Variants in ROBO2 observed in about 807,000 individuals in gnomAD.
The protein encoded by ROBO2 is roundabout homolog 2.
A neutral mutation model predicts 160.8 loss-of-function variants in ROBO2; 53 were observed. The ratio of observed to expected loss-of-function variants is 0.33; its 90% CI spans 0.26 to 0.41. ROBO2 has a LOEUF of 0.41. ROBO2 is among the 10% of genes least tolerant of loss of function. ROBO2 has a pLI of 1.00. For missense variants in ROBO2, 1,577 were observed against 1,722.4 expected (o/e 0.92, Z 1.49); for synonymous variants, 664 against 611.7 (o/e 1.09, Z -1.26).
At chr3:77,490,086 C>T (rs1485285398) in intron 4 of ROBO2, among the ~76,000 whole-genome samples, 6 of 144,706 alleles carry the variant, frequency 4.1e-5, no homozygotes, top group Admixed American at 2.8e-4. Context: ...ATGGGCATGA[C>T]TTTTGTATTT....
At chr3:76,847,037 G>T (rs1480446087) in intron 2 of ROBO2, among the ~76,000 whole-genome samples, 1 of 151,944 alleles carries the variant, frequency 6.6e-6, no homozygotes, top group African/African-American at 2.4e-5. Flanking sequence ...TAAAACCACT[G>T]GTCTACTTTG....
intron 2 of ROBO2, among the ~76,000 whole-genome samples, chr3:76,292,444 T>C (rs1305423415): frequency 6.6e-6 from 1 of 152,216 alleles, no homozygotes; most frequent in Non-Finnish European, 1.5e-5. Flanking sequence ...GTGAGTCTTC[T>C]GTCAAACTTG....
chr3:76,447,415 G>A (rs2077243416), intron 2 of ROBO2, among the ~76,000 whole-genome samples: 1 of 150,432 alleles, frequency 6.6e-6, no homozygotes, highest in Non-Finnish European at 1.5e-5. Flanking sequence ...AGGATGTGGA[G>A]AAATAGGAAC....
intron 2 of ROBO2, among the ~76,000 whole-genome samples, chr3:76,719,390 A>T (rs2093430530): frequency 6.6e-6 from 1 of 152,144 alleles, no homozygotes; most frequent in South Asian, 2.1e-4. Flanking sequence ...GCTGGTGTGC[A>T]GTTGTCACAA....
chr3:76,150,987 C>T (rs2072174346), intron 2 of ROBO2, among the ~76,000 whole-genome samples: 1 of 152,080 alleles, frequency 6.6e-6, no homozygotes, highest in Admixed American at 6.6e-5. Context: ...ACATTTAAGA[C>T]CATGTTTCTC....
At chr3:77,533,169 A>G (rs889022384) in intron 6 of ROBO2, among the ~76,000 whole-genome samples, 3 of 152,100 alleles carry the variant, frequency 2.0e-5, no homozygotes, top group Admixed American at 6.6e-5. Context: ...AAAACATACT[A>G]TGTTCTTCTC....
intron 2 of ROBO2, among the ~76,000 whole-genome samples, chr3:77,169,101 A>G (rs1579593195): frequency 1.3e-5 from 2 of 152,224 alleles, no homozygotes; most frequent in East Asian, 3.8e-4. Flanking sequence ...ACACGTATGC[A>G]AATGGAAACA....
At chr3:77,098,450 A>AT (rs2071398863) in intron 2 of ROBO2, 110 bp downstream of exon 2, 1 of 1,107,476 alleles carries the variant, frequency 9.0e-7, no homozygotes, top group African/African-American at 1.5e-5. Context: ...AACACACTGC[A>AT]TAATTTTACT....
At chr3:77,147,971 G>A (rs756888569) in intron 2 of ROBO2, among the ~76,000 whole-genome samples, 1 of 152,196 alleles carries the variant, frequency 6.6e-6, no homozygotes, top group African/African-American at 2.4e-5. Context: ...ACCCCATGCG[G>A]TTTGAGCAAA....
intron 2 of ROBO2, among the ~76,000 whole-genome samples, chr3:76,718,024 A>G (rs181478676): frequency 6.6e-6 from 1 of 152,318 alleles, no homozygotes; most frequent in East Asian, 1.9e-4. Context: ...TAATTCTGGC[A>G]TATTCATTTT....
chr3:76,100,619 T>G (rs1286234505), intron 2 of ROBO2, among the ~76,000 whole-genome samples: 1 of 152,074 alleles, frequency 6.6e-6, no homozygotes, highest in Non-Finnish European at 1.5e-5. Flanking sequence ...AAGGAAAATA[T>G]AAAAGGAAAA....
At chr3:76,061,361 A>C (rs1017718962) in intron 2 of ROBO2, among the ~76,000 whole-genome samples, 17 of 152,304 alleles carry the variant, frequency 1.1e-4, no homozygotes, top group African/African-American at 4.1e-4. Flanking sequence ...TCTGTGTTTA[A>C]GTACAGTCTC....
At chr3:77,347,694 A>C (rs2067822209) in intron 2 of ROBO2, among the ~76,000 whole-genome samples, 1 of 152,080 alleles carries the variant, frequency 6.6e-6, no homozygotes, top group African/African-American at 2.4e-5. Flanking sequence ...AATAGACCCC[A>C]AATTAGGATT....
At chr3:77,595,247 A>G in intron 18 of ROBO2, 63 bp downstream of exon 19, 1 of 1,206,452 alleles carries the variant, frequency 8.3e-7, no homozygotes, top group East Asian at 2.4e-5. Flanking sequence ...GAAACTCTAT[A>G]GTAAGAGCCT....
At chr3:76,689,008 T>C (rs2092743060) in intron 2 of ROBO2, among the ~76,000 whole-genome samples, 1 of 152,046 alleles carries the variant, frequency 6.6e-6, no homozygotes, top group African/African-American at 2.4e-5. Flanking sequence ...AATGATGTAT[T>C]TCTAAAACAA....
intron 2 of ROBO2, among the ~76,000 whole-genome samples, chr3:76,574,237 C>G (rs1030765381): frequency 6.6e-6 from 1 of 151,840 alleles, no homozygotes; most frequent in African/African-American, 2.4e-5. Context: ...ATGAGTATAA[C>G]AAAATCAGGT....
intron 2 of ROBO2, among the ~76,000 whole-genome samples, chr3:77,433,824 C>T (rs1341729844): frequency 1.3e-5 from 2 of 151,996 alleles, no homozygotes; most frequent in Non-Finnish European, 2.9e-5. Flanking sequence ...AACTTCTAAA[C>T]CCAGTAATTC....
intron 2 of ROBO2, among the ~76,000 whole-genome samples, chr3:76,640,476 A>C (rs891444451): frequency 3.3e-5 from 5 of 152,108 alleles, no homozygotes; most frequent in African/African-American, 1.2e-4. Flanking sequence ...GGTTGCAGTG[A>C]GCCAAGATGG....
At chr3:77,424,099 G>A (rs1021547656) in intron 2 of ROBO2, among the ~76,000 whole-genome samples, 2 of 152,060 alleles carry the variant, frequency 1.3e-5, no homozygotes, top group African/African-American at 2.4e-5. Context: ...GATACAGCAC[G>A]AGCAAAATAC....
Sources: allele counts gnomAD v4.1 joint callset (sites outside exome capture counted in the v4.1 genomes callset), GRCh38; gene constraint gnomAD v4.1.1; transcripts MANE v1.5; gene names NCBI Gene and HGNC (gene_info 2026-07-23, HGNC 2026-07-21).